ZNF81: variants seen among roughly 807,000 people sequenced by gnomAD.
ZNF81 encodes the protein zinc finger protein 81, also known as zinc finger protein 81 (HFZ20).
In ZNF81, 5 loss-of-function variants were observed where a neutral mutation model predicts 32.3. The ratio of observed to expected loss-of-function variants is 0.15; its 90% CI spans 0.08 to 0.33. The LOEUF (loss-of-function observed/expected upper bound fraction) is 0.33. Ranked by LOEUF, ZNF81 falls within the 10% of genes least tolerant of loss-of-function variation. The pLI, the probability that ZNF81 is intolerant of heterozygous loss-of-function variation, is 1.00. For synonymous variants in ZNF81, 163 were observed against 166.8 expected, an observed-to-expected ratio of 0.98 and a Z score of 0.17; for missense variants, 379 against 479.8, an observed-to-expected ratio of 0.79 and a Z score of 1.96.
chrX:47,841,244 TA>T, intron 1 of ZNF81: 2 of 699,400 alleles, frequency 2.9e-6, no homozygotes, highest in Non-Finnish European at 4.5e-6. Context: ...TGTCTATGTT[TA>T]AAAATGAGTT....
intron 4 of ZNF81, among the ~76,000 whole-genome samples, chrX:47,913,506 C>CT (rs1290108143): frequency 2.7e-5 from 3 of 111,478 alleles, no homozygotes; most frequent in Non-Finnish European, 5.7e-5. Flanking sequence ...GAGTGAGACT[C>CT]TATTTCAAAA....
At chrX:47,864,617 A>C (rs1290666378) in intron 2 of ZNF81, among the ~76,000 whole-genome samples, 4 of 112,084 alleles carry the variant, frequency 3.6e-5, no homozygotes, top group Admixed American at 1.9e-4. Flanking sequence ...AGAATCTTGT[A>C]ATTTGTGCCC....
chrX:47,895,959 G>A lies in ZNF81; in HGVS notation c.277+19G>A. 2 of 1,123,843 alleles carry A rather than the reference G, an allele frequency of 1.8e-6. No homozygotes were observed. The highest frequency in any genetic ancestry group is 3.7e-5 in the South Asian group (2 of 53,872). 92.6% of individuals were successfully genotyped at this position (1,123,843 alleles called of 1,213,427 possible). On this transcript the variant is annotated intron_variant, in intron 4 of 4. Transcript: ENST00000338637. ...TGTTCAGGTGAGTGGGTGTGACCCA[G>A]GCAGATGGGGACACGAAGTAATTTT...
Position 47,915,171 on chromosome X carries a change from T to C in ZNF81, c.525T>C (p.Phe175=), listed in dbSNP as rs782434637. 8.3e-7 allele frequency: 1 copy of C among 1,200,298 alleles called. No individual in the cohort carries two copies. The highest frequency in any genetic ancestry group is 1.1e-6 in the Non-Finnish European group (1 of 890,838). Residue 175 remains phenylalanine, a synonymous_variant, in exon 5 of 5, where the codon TTT becomes TTC. Transcript: ENST00000338637. ...WDYEYKDFGK[F]VHPSPNLILS... is the part of the protein sequence containing the mutation. ...ATGAATATAAAGACTTTGGAAAATTTGTTCATCCAAGCCCAAATCTCATTC... is the reference window on the plus strand; with the variant it reads ...ATGAATATAAAGACTTTGGAAAATTCGTTCATCCAAGCCCAAATCTCATTC...
chrX:47,885,858 A>G (rs192685561), intron 2 of ZNF81, among the ~76,000 whole-genome samples: 2 of 111,755 alleles, frequency 1.8e-5, no homozygotes, highest in African/African-American at 3.3e-5. Flanking sequence ...AAACCATAGC[A>G]TCATCCCTGA....
intron 1 of ZNF81, among the ~76,000 whole-genome samples, chrX:47,838,734 A>T (rs928100599): frequency 4.5e-5 from 5 of 111,529 alleles, no homozygotes; most frequent in African/African-American, 1.6e-4. Flanking sequence ...TTTGCATCTA[A>T]GTTCATGGGA....
chrX:47,853,991 AT>A (rs1179026060), intron 2 of ZNF81, among the ~76,000 whole-genome samples: 6 of 112,655 alleles, frequency 5.3e-5, no homozygotes, highest in Non-Finnish European at 9.4e-5. Context: ...TGTTCTTCCA[AT>A]ATAAGGCTGT....
chrX:47,871,423 T>G (rs1412753029), intron 2 of ZNF81, among the ~76,000 whole-genome samples: 1 of 111,668 alleles, frequency 9.0e-6, no homozygotes, highest in Non-Finnish European at 1.9e-5. Context: ...GCGTTCAAGA[T>G]TTCCTGAGCA....
At chrX:47,860,517 C>T (rs2058535714) in intron 2 of ZNF81, among the ~76,000 whole-genome samples, 1 of 109,957 alleles carries the variant, frequency 9.1e-6, no homozygotes, top group Non-Finnish European at 1.9e-5. Context: ...GCCTCACCCT[C>T]ATCCTCTGGG....
At chrX:47,907,561 A>G (rs949463268) in intron 4 of ZNF81, among the ~76,000 whole-genome samples, 1 of 111,784 alleles carries the variant, frequency 8.9e-6, no homozygotes, top group African/African-American at 3.2e-5. Flanking sequence ...AATTGGCCAT[A>G]TAAGTTTGCA....
rs2058695196 is a variant in ZNF81 at position 47,900,644 on chromosome X, G to A, written c.277+4704G>A. Among the ~76,000 whole-genome samples, 4 of 111,406 alleles carry A rather than the reference G, an allele frequency of 3.6e-5. No individual in the cohort carries two copies. The Admixed American group carries it at 3.8e-4, about 11-fold the overall frequency. ...GTCCTGAACATTATCAATGTTTATG[G>A]TAACATGGTATTCTGTTATATTGTT... On this transcript the variant is annotated intron_variant, in intron 4 of 4. Transcript: ENST00000338637.
At position 47,895,913 on chromosome X, in the gene ZNF81, G is replaced by A. The variant is rs782776139; in HGVS notation, c.250G>A (p.Gly84Arg). The A allele has an allele frequency of 3.3e-6, 4 of 1,210,086 alleles. No homozygotes were observed. In the Admixed American group the frequency reaches 6.5e-5, roughly 20 times the overall value. ...EQGEGPWTLE[G>R]EAPHQSCSDG... ...AGGAGAGGGGCCATGGACATTGGAA[G>A]GGGAAGCCCCACATCAGAGCTGTTC... Residue 84 changes from glycine (G) to arginine (R), a missense_variant, in exon 4 of 5, where the codon GGG (glycine) becomes AGG (arginine). Gly to Arg is a moderately radical substitution (Grantham distance 125, BLOSUM62 -2). Coordinates refer to ENST00000338637, the MANE Select transcript of ZNF81 (RefSeq NM_007137.5).
At chrX:47,909,224 C>A (rs1224904015) in intron 4 of ZNF81, among the ~76,000 whole-genome samples, 1 of 112,281 alleles carries the variant, frequency 8.9e-6, no homozygotes, top group African/African-American at 3.2e-5. Context: ...TATTTTACCA[C>A]ATTTATGCCA....
intron 4 of ZNF81, among the ~76,000 whole-genome samples, chrX:47,899,149 T>C (rs903738402): frequency 2.7e-5 from 3 of 111,604 alleles, no homozygotes; most frequent in African/African-American, 9.8e-5. Context: ...GGGGTGAGTG[T>C]GGGCATGTTT....
chrX:47,840,412 T>G (rs1414753623), intron 1 of ZNF81, among the ~76,000 whole-genome samples: 2 of 111,741 alleles, frequency 1.8e-5, no homozygotes, highest in Admixed American at 1.9e-4. Flanking sequence ...TAGAAAATGC[T>G]GGAATTTTTC....
intron 2 of ZNF81, among the ~76,000 whole-genome samples, chrX:47,879,285 T>A (rs1163784530): frequency 9.0e-5 from 10 of 111,665 alleles, no homozygotes. Context: ...GGCCCTCATC[T>A]TTCCTTTTCC....
intron 2 of ZNF81, among the ~76,000 whole-genome samples, chrX:47,867,389 A>G (rs1556883391): frequency 8.9e-6 from 1 of 112,201 alleles, no homozygotes; most frequent in African/African-American, 3.2e-5. Context: ...AGAAAAGGGA[A>G]GAGGGAGGAA....
In ZNF81 at chrX:47,840,508, T is replaced by C. The variant is rs2058443805; in HGVS notation, c.-164+3521T>C. ...TCTTTCTTTCTTTTCTTTTTCTTTT[T>C]TTTTTTTTTTTTGAGACGGAGTTTT... On this transcript the variant is annotated intron_variant, in intron 1 of 4. Transcript: ENST00000338637. Among the ~76,000 whole-genome samples the C allele has an allele frequency of 4.6e-5, 5 of 108,204 alleles. No homozygotes were observed. In the South Asian group the frequency reaches 1.6e-3, roughly 35 times the overall value. 94.0% of individuals were successfully genotyped at this position (108,204 alleles called of 115,157 possible).
Position 47,925,078 on chromosome X carries a change from A to G in ZNF81, c.*8446A>G, listed in dbSNP as rs2058786868. ...CCACATACCTGGAATATCATTATCA[A>G]TCTAATTCTATGATATATCCAGTCC... On this transcript the variant is annotated 3_prime_UTR_variant, in exon 5 of 5. Coordinates refer to ENST00000338637, the MANE Select transcript of ZNF81 (RefSeq NM_007137.5). Among the ~76,000 whole-genome samples, 2 of 111,638 alleles carry G rather than the reference A, an allele frequency of 1.8e-5. No individual in the cohort carries two copies. Among genetic ancestry groups the G allele is most frequent in the African/African-American group, 6.5e-5 (2 of 30,739 alleles).
Sources: allele counts gnomAD v4.1 joint callset (sites outside exome capture counted in the v4.1 genomes callset), GRCh38; gene constraint gnomAD v4.1.1; transcripts MANE v1.5; gene names NCBI Gene and HGNC (gene_info 2026-07-23, HGNC 2026-07-21).